HIVEP3: variants seen among roughly 807,000 people sequenced by gnomAD.
HIVEP3 encodes transcription factor HIVEP3.
Under a neutral mutation model 152.8 loss-of-function variants are expected in HIVEP3, and 49 were observed. The ratio of observed to expected loss-of-function variants is 0.32; its 90% CI spans 0.26 to 0.41. The LOEUF (loss-of-function observed/expected upper bound fraction) is 0.41, where lower values mean the gene tolerates loss of function less well. Among genes scored for constraint, HIVEP3 ranks in the 10% least tolerant of loss-of-function variants. The pLI, the probability that HIVEP3 is intolerant of heterozygous loss-of-function variation, is 1.00. For synonymous variants in HIVEP3, 1,269 were observed against 1,289.0 expected (o/e 0.98, Z 0.33); for missense variants, 2,790 against 3,103.3 (o/e 0.90, Z 2.40).
chr1:41,653,255 C>CAT (rs200041392), intron 2 of HIVEP3, among the ~76,000 whole-genome samples: 44 of 150,676 alleles, frequency 2.9e-4, no homozygotes, highest in Admixed American at 6.0e-4. Context: ...ATATATATAA[C>CAT]ATATATATAT....
chr1:41,542,730 G>T (rs1349585293), intron 5 of HIVEP3: 6 of 153,016 alleles, frequency 3.9e-5, no homozygotes, highest in Non-Finnish European at 8.8e-5. Flanking sequence ...CATGGAATGT[G>T]AAGCATTTCA....
Position 41,580,996 on chromosome 1 carries a change from G to C in HIVEP3, c.3802C>G (p.Leu1268Val), listed in dbSNP as rs751122813. The C allele has an allele frequency of 5.1e-6, 8 of 1,573,832 alleles. No homozygotes were observed. Among genetic ancestry groups the C allele is most frequent in the Non-Finnish European group, 6.9e-6 (8 of 1,158,888 alleles). Reference protein sequence around the residue: ...LPQIKTSLAPLATGSAGLSPS... With the variant: ...LPQIKTSLAPVATGSAGLSPS... ...GAGAGGCCAGCACTTCCTGTTGCCA[G>C]TGGGGCCAGGCTGGTTTTGATCTGG... Residue 1268 changes from leucine to valine, a missense_variant, in exon 4 of 9, where the codon CTG (leucine) becomes GTG (valine). Around this residue, in one of 9 missense-constraint regions of HIVEP3, gnomAD observed 1,078 missense variants for 1,165.3 expected, o/e 0.93. Transcript: ENST00000372583.
intron 1 of HIVEP3, among the ~76,000 whole-genome samples, chr1:41,912,530 C>T (rs1354871481): frequency 6.6e-6 from 1 of 152,196 alleles, no homozygotes; most frequent in Non-Finnish European, 1.5e-5. Context: ...CAGACCACTC[C>T]AAAACATTCT....
chr1:41,517,905 CCCA>C (rs1304326887), intron 7 of HIVEP3, among the ~76,000 whole-genome samples: 1 of 152,182 alleles, frequency 6.6e-6, no homozygotes, highest in African/African-American at 2.4e-5. Flanking sequence ...CTCCAAAAGG[CCCA>C]TGTGTCAGGC....
intron 5 of HIVEP3, among the ~76,000 whole-genome samples, chr1:41,528,508 C>T (rs1438487868): frequency 1.0e-5 from 1 of 97,834 alleles, no homozygotes; most frequent in East Asian, 3.3e-4. Context: ...CTCACCTTCA[C>T]ACTCACACCC....
At chr1:41,700,295 G>A (rs1019911917) in intron 2 of HIVEP3, among the ~76,000 whole-genome samples, 18 of 152,298 alleles carry the variant, frequency 1.2e-4, no homozygotes, top group African/African-American at 3.6e-4. Flanking sequence ...TCCTGATGAC[G>A]AGGTCATGAG....
intron 1 of HIVEP3, among the ~76,000 whole-genome samples, chr1:41,768,807 T>C (rs1186071512): frequency 6.6e-6 from 1 of 152,240 alleles, no homozygotes; most frequent in East Asian, 1.9e-4. Context: ...AATGTAAATA[T>C]TTCACTGCAA....
intron 1 of HIVEP3, among the ~76,000 whole-genome samples, chr1:41,789,228 A>T (rs1205421200): frequency 3.3e-5 from 5 of 152,154 alleles, no homozygotes. Flanking sequence ...TACCTAAAAC[A>T]AGACTGTTTT....
At chr1:41,768,647 G>A (rs1648160809) in intron 1 of HIVEP3, among the ~76,000 whole-genome samples, 1 of 152,190 alleles carries the variant, frequency 6.6e-6, no homozygotes. Flanking sequence ...CCCCTTCGTG[G>A]GGATAAGAGG....
chr1:41,690,730 C>T (rs1646185661), intron 2 of HIVEP3, among the ~76,000 whole-genome samples: 1 of 152,182 alleles, frequency 6.6e-6, no homozygotes, highest in Non-Finnish European at 1.5e-5. Context: ...CCAGCCTGGC[C>T]AACATGGTGA....
intron 1 of HIVEP3, among the ~76,000 whole-genome samples, chr1:41,812,134 G>A (rs1166501568): frequency 1.6e-4 from 24 of 152,230 alleles, no homozygotes; most frequent in Non-Finnish European, 1.0e-4. Context: ...CAGGGCTGAG[G>A]CTGTGGAATC....
intron 6 of HIVEP3, among the ~76,000 whole-genome samples, chr1:41,522,643 G>A (rs899106433): frequency 6.6e-6 from 1 of 152,214 alleles, no homozygotes; most frequent in Non-Finnish European, 1.5e-5. Flanking sequence ...CTCTGTGCTG[G>A]CTCAGAGAGA....
chr1:41,825,703 C>T (rs1642783074), intron 1 of HIVEP3, among the ~76,000 whole-genome samples: 1 of 152,084 alleles, frequency 6.6e-6, no homozygotes, highest in African/African-American at 2.4e-5. Flanking sequence ...CCACCCCAGA[C>T]TCAGGTGATC....
At chr1:41,535,642 G>A (rs989182255) in intron 5 of HIVEP3, 3 of 152,166 alleles carry the variant, frequency 2.0e-5, no homozygotes, top group African/African-American at 7.2e-5. Flanking sequence ...CGAGACCAGG[G>A]TCTTCATGGA....
intron 5 of HIVEP3, among the ~76,000 whole-genome samples, chr1:41,540,334 T>C (rs2475839): frequency 0.59 from 90,233 of 152,080 alleles, 26,897 homozygotes; most frequent in Middle Eastern, 0.66. Flanking sequence ...GAGCTCAAGG[T>C]GTCAGCACCA....
At chr1:41,549,722 T>A (rs1316745763) in intron 5 of HIVEP3, among the ~76,000 whole-genome samples, 3 of 152,168 alleles carry the variant, frequency 2.0e-5, no homozygotes, top group Non-Finnish European at 4.4e-5. Context: ...GATGGGGTTG[T>A]TTGTTTTTTT....
intron 5 of HIVEP3, among the ~76,000 whole-genome samples, chr1:41,525,910 C>G (rs1488935752): frequency 2.0e-5 from 3 of 152,104 alleles, no homozygotes. Flanking sequence ...CCTTCTGACT[C>G]CTGAAGCCTG....
At chr1:41,754,395 C>A (rs1647226115) in intron 1 of HIVEP3, among the ~76,000 whole-genome samples, 1 of 152,160 alleles carries the variant, frequency 6.6e-6, no homozygotes, top group African/African-American at 2.4e-5. Flanking sequence ...GAGGCTATCA[C>A]AACAATAGTC....
chr1:41,650,598 T>A (rs1411913618), intron 2 of HIVEP3, among the ~76,000 whole-genome samples: 1 of 150,182 alleles, frequency 6.7e-6, no homozygotes, highest in Non-Finnish European at 1.5e-5. Context: ...ATATTTAAAG[T>A]AAGAAGTAGA....
Sources: gnomAD v4.1 joint callset for allele counts (sites outside exome capture counted in the v4.1 genomes callset) on GRCh38, gnomAD v4.1.1 for gene constraint, gnomAD v4.1.1 regional missense constraint, MANE v1.5 for transcripts, NCBI Gene and HGNC (gene_info 2026-07-23, HGNC 2026-07-21) for gene names.